TRAF6: variants seen among roughly 807,000 people sequenced by gnomAD.
The protein encoded by TRAF6 is TNF receptor associated factor 6, also known as TNF receptor-associated factor 6.
A neutral mutation model predicts 48.4 loss-of-function variants in TRAF6; 10 were observed. The ratio of observed to expected loss-of-function variants is 0.21; its 90% CI spans 0.13 to 0.35. The LOEUF (loss-of-function observed/expected upper bound fraction) is 0.35. TRAF6 is among the 10% of genes least tolerant of loss of function. The pLI is 1.00. For synonymous variants in TRAF6, 186 were observed against 219.6 expected (o/e 0.85, Z 1.35); for missense variants, 397 against 661.0 (o/e 0.60, Z 4.38).
chr11:36,506,864 A>G (rs1172582263), intron 1 of TRAF6, among the ~76,000 whole-genome samples: 1 of 152,136 alleles, frequency 6.6e-6, no homozygotes, highest in Non-Finnish European at 1.5e-5. Context: ...TTAAGTCCAC[A>G]GTATTTAGTT....
At chr11:36,509,942 GA>G (rs1462455810) in intron 1 of TRAF6, 105 bp downstream of exon 1, 1 of 152,060 alleles carries the variant, frequency 6.6e-6, no homozygotes, top group Non-Finnish European at 1.5e-5. Context: ...AGGGGACAGG[GA>G]CTGCGTCCCC....
intron 3 of TRAF6, 27 bp downstream of exon 3, chr11:36,498,463 C>G (rs775205133): frequency 3.1e-6 from 5 of 1,594,744 alleles, no homozygotes; most frequent in Admixed American, 3.5e-5. Flanking sequence ...TATACATGTG[C>G]TAACAGCTAG....
At chr11:36,497,079 G>A in intron 4 of TRAF6, 29 bp downstream of exon 4, 1 of 1,606,682 alleles carries the variant, frequency 6.2e-7, no homozygotes. Flanking sequence ...AAGAAGTAGT[G>A]AATTTAACAA....
chr11:36,497,023 T>C, intron 4 of TRAF6, 85 bp downstream of exon 4: 2 of 1,393,320 alleles, frequency 1.4e-6, no homozygotes, highest in East Asian at 2.4e-5. Context: ...GTCACATCCT[T>C]ATCTACTGCT....
intron 2 of TRAF6, among the ~76,000 whole-genome samples, chr11:36,499,218 A>C (rs990797141): frequency 1.3e-5 from 2 of 152,196 alleles, no homozygotes; most frequent in Admixed American, 1.3e-4. Context: ...AGAAAGTTAA[A>C]GGACCTCTAT....
intron 1 of TRAF6, among the ~76,000 whole-genome samples, chr11:36,506,669 A>C (rs1286656897): frequency 6.6e-6 from 1 of 152,148 alleles, no homozygotes; most frequent in Non-Finnish European, 1.5e-5. Context: ...ATGTGTTCCT[A>C]AGAAAATCTG....
At chr11:36,497,496 C>G (rs565036550) in intron 3 of TRAF6, among the ~76,000 whole-genome samples, 1 of 152,262 alleles carries the variant, frequency 6.6e-6, no homozygotes, top group South Asian at 2.1e-4. Flanking sequence ...ATCCAACTAG[C>G]AAAGAGTGTT....
At chr11:36,499,585 C>G (rs1338014468) in intron 2 of TRAF6, among the ~76,000 whole-genome samples, 3 of 152,130 alleles carry the variant, frequency 2.0e-5, no homozygotes, top group African/African-American at 7.2e-5. Context: ...GGAGACAGAG[C>G]AAGACTCCAT....
intron 1 of TRAF6, among the ~76,000 whole-genome samples, chr11:36,502,350 T>C (rs554107780): frequency 3.3e-5 from 5 of 152,364 alleles, no homozygotes; most frequent in African/African-American, 1.2e-4. Context: ...TGGAAAACTA[T>C]TGGTTTCATG....
intron 3 of TRAF6, among the ~76,000 whole-genome samples, chr11:36,498,067 T>C (rs1437278677): frequency 1.1e-4 from 16 of 151,880 alleles, no homozygotes. Context: ...GTATTTTTAG[T>C]GAGAGACGGG....
At chr11:36,500,288 A>G (rs1859698493) in intron 2 of TRAF6, among the ~76,000 whole-genome samples, 1 of 152,184 alleles carries the variant, frequency 6.6e-6, no homozygotes, top group East Asian at 1.9e-4. Context: ...GAGGGGACCT[A>G]TGAGAAGGTG....
intron 6 of TRAF6, among the ~76,000 whole-genome samples, chr11:36,491,152 A>ATT (rs5030474): frequency 1.1e-4 from 16 of 151,676 alleles, no homozygotes; most frequent in Non-Finnish European, 1.5e-4. Context: ...TATTAATACC[A>ATT]TTTTTTTTAA....
chr11:36,485,970 C>A lies in TRAF6; in HGVS notation c.*3868G>T, dbSNP rs114263678. Among the ~76,000 whole-genome samples, 206 of 152,222 alleles carry A rather than the reference C, an allele frequency of 1.4e-3. No homozygotes were observed. The highest frequency in any genetic ancestry group is 4.7e-3 in the African/African-American group (193 of 41,476). ...AAATATAAATGACTACTTATGGCTC[C>A]TTTTCATTTCCTTAAGGCATTGCAC... On this transcript the variant is annotated 3_prime_UTR_variant, in exon 7 of 7. Transcript: ENST00000526995.
intron 6 of TRAF6, among the ~76,000 whole-genome samples, chr11:36,491,264 G>A (rs1486062732): frequency 6.6e-6 from 1 of 151,914 alleles, no homozygotes. Context: ...AGGTCATTAA[G>A]AACACCCTAT....
At chr11:36,493,214 G>A (rs892868601) in intron 5 of TRAF6, among the ~76,000 whole-genome samples, 1 of 152,194 alleles carries the variant, frequency 6.6e-6, no homozygotes, top group Non-Finnish European at 1.5e-5. Flanking sequence ...GGGACTCTAA[G>A]ACACATTCTC....
Position 36,484,311 on chromosome 11 carries a change from C to T in TRAF6, c.*5527G>A, listed in dbSNP as rs1859451173. Among the ~76,000 whole-genome samples, 1 of 152,320 alleles carries T rather than the reference C, an allele frequency of 6.6e-6. No individual in the cohort carries two copies. Among genetic ancestry groups the T allele is most frequent in the East Asian group, 1.9e-4 (1 of 5,190 alleles). On this transcript the variant is annotated 3_prime_UTR_variant, in exon 7 of 7. Coordinates refer to ENST00000526995, the MANE Select transcript of TRAF6 (RefSeq NM_004620.4). Reference sequence around the variant, plus strand: ...CTTTTCATGATTAGTGTTTCCCCACCCTTATCTTTGCATTCACTCCCTCTC... The same window carrying T: ...CTTTTCATGATTAGTGTTTCCCCACTCTTATCTTTGCATTCACTCCCTCTC...
At chr11:36,497,449 A>C (rs1489522635) in intron 3 of TRAF6, among the ~76,000 whole-genome samples, 183 bp from the exon 4 acceptor site, 5 of 152,224 alleles carry the variant, frequency 3.3e-5, no homozygotes, top group Non-Finnish European at 7.3e-5. Context: ...CATGGGTTGC[A>C]AATTTATACA....
intron 1 of TRAF6, among the ~76,000 whole-genome samples, chr11:36,507,676 T>TAC (rs1859820068): frequency 1.4e-5 from 1 of 71,972 alleles, no homozygotes; most frequent in African/African-American, 5.2e-5. Context: ...CGCGTGTATA[T>TAC]ATGTATACAT....
rs930400374 is a variant in TRAF6, at chr11:36,488,067, T to C, written c.*1771A>G. ...GTTTTTAAATGGAACTTGACAATTA[T>C]TTATTCATTGTAAAATAATCACAGG... On this transcript the variant is annotated 3_prime_UTR_variant, in exon 7 of 7. Coordinates refer to ENST00000526995, the MANE Select transcript of TRAF6 (RefSeq NM_004620.4). 1 of 152,234 alleles carries C rather than the reference T, an allele frequency of 6.6e-6. No homozygotes were observed. The highest frequency in any genetic ancestry group is 2.4e-5 in the African/African-American group (1 of 41,452). The allele number at this position is 152,234 out of a possible 1,614,324, so 9.4% of individuals were successfully genotyped here.
Sources: gnomAD v4.1 joint callset for allele counts (sites outside exome capture counted in the v4.1 genomes callset) on GRCh38, gnomAD v4.1.1 for gene constraint, MANE v1.5 for transcripts, NCBI Gene and HGNC (gene_info 2026-07-23, HGNC 2026-07-21) for gene names.